Variants in ZFPM2 observed in about 807,000 individuals in gnomAD.
The protein encoded by ZFPM2 is zinc finger protein, FOG family member 2, also known as zinc finger protein ZFPM2.
Under a neutral mutation model 98.6 loss-of-function variants are expected in ZFPM2, and 20 were observed. That is an observed-to-expected ratio of 0.20 (90% CI 0.14 to 0.29). The LOEUF is 0.29. Ranked by LOEUF, ZFPM2 falls within the 10% of genes least tolerant of loss-of-function variation. The probability of loss-of-function intolerance (pLI) is 1.00; values close to 1 mark genes in which losing one functional copy is unlikely to be tolerated. For synonymous variants in ZFPM2, 518 were observed against 502.7 expected, an observed-to-expected ratio of 1.03 and a Z score of -0.41; for missense variants, 1,310 against 1,388.6, an observed-to-expected ratio of 0.94 and a Z score of 0.90.
At chr8:105,785,485 A>G (rs1813389883) in intron 5 of ZFPM2, among the ~76,000 whole-genome samples, 1 of 152,114 alleles carries the variant, frequency 6.6e-6, no homozygotes, top group African/African-American at 2.4e-5. Context: ...TGGGAAACTT[A>G]GTTATCCTCT....
chr8:105,590,801 G>T (rs1815826342), intron 4 of ZFPM2, among the ~76,000 whole-genome samples: 2 of 152,178 alleles, frequency 1.3e-5, no homozygotes, highest in African/African-American at 4.8e-5. Context: ...CAGTGGAAGT[G>T]TAGCTGACTT....
At chr8:105,380,891 T>TATATATA (rs773240703) in intron 1 of ZFPM2, among the ~76,000 whole-genome samples, 1 of 70,222 alleles carries the variant, frequency 1.4e-5, no homozygotes, top group Non-Finnish European at 2.7e-5. Flanking sequence ...TATATTATAA[T>TATATATA]ATATATAATA....
intron 5 of ZFPM2, chr8:105,679,174 C>T (rs555903029): frequency 2.0e-5 from 3 of 152,176 alleles, no homozygotes; most frequent in African/African-American, 2.4e-5. Flanking sequence ...TTAATTATTG[C>T]CATCATTTAA....
chr8:105,788,134 A>G (rs1563564649), intron 5 of ZFPM2, among the ~76,000 whole-genome samples: 1 of 152,200 alleles, frequency 6.6e-6, no homozygotes, highest in African/African-American at 2.4e-5. Flanking sequence ...AGTAAAGATT[A>G]TTCAGCCAGA....
At chr8:105,431,570 G>T (rs1371971828) in intron 2 of ZFPM2, among the ~76,000 whole-genome samples, 1 of 152,046 alleles carries the variant, frequency 6.6e-6, no homozygotes, top group African/African-American at 2.4e-5. Context: ...CACTCAAATG[G>T]TTCAGGGTGG....
At chr8:105,478,891 A>G (rs1219821893) in intron 3 of ZFPM2, among the ~76,000 whole-genome samples, 3 of 152,196 alleles carry the variant, frequency 2.0e-5, no homozygotes, top group Non-Finnish European at 4.4e-5. Flanking sequence ...GTGGAATGCT[A>G]CTAAAGTCTA....
intron 5 of ZFPM2, among the ~76,000 whole-genome samples, chr8:105,683,448 A>T (rs2130924986): frequency 6.6e-6 from 1 of 152,300 alleles, no homozygotes; most frequent in East Asian, 1.9e-4. Flanking sequence ...GATACAAAGT[A>T]GAGAAATTAC....
rs1814087878 is a variant in ZFPM2, at chr8:105,803,021, A to G, written c.2939A>G (p.Gln980Arg). The change falls in exon 8 of 8, where the codon CAG becomes CGG. Residue 980 changes from glutamine to arginine, a missense_variant. Transcript: ENST00000407775. ...GAIKKAKGAD[Q>R]LSPYYGIKPS... ...ATAAAGAAAGCAAAAGGAGCCGACC[A>G]GCTTTCTCCATATTATGGAATCAAG... The G allele has an allele frequency of 6.2e-7, 1 of 1,613,186 alleles. No individual in the cohort carries two copies.
At chr8:105,780,513 A>G (rs1813216408) in intron 5 of ZFPM2, 1 of 152,218 alleles carries the variant, frequency 6.6e-6, no homozygotes, top group Non-Finnish European at 1.5e-5. Context: ...TCGTTACATC[A>G]TTGTTTATCC....
intron 4 of ZFPM2, among the ~76,000 whole-genome samples, chr8:105,597,042 C>T (rs1380443627): frequency 6.6e-6 from 1 of 151,336 alleles, no homozygotes; most frequent in Non-Finnish European, 1.5e-5. Flanking sequence ...CCTGACACAC[C>T]TCCTAAATGT....
chr8:105,803,405 T>G lies in ZFPM2; in HGVS notation c.3323T>G (p.Val1108Gly). ...CAGTTGTCTAGTATAGCAAAAGGTG[T>G]GAATGGTTCCAGCCAGGCTCCAACC... ...EEQLSSIAKG[V>G]NGSSQAPTSG... The change falls in exon 8 of 8, where the codon GTG becomes GGG. Residue 1108 changes from valine to glycine, a missense_variant. Val to Gly is a moderately radical substitution (Grantham distance 109). Transcript: ENST00000407775. 1 of 1,613,832 alleles carries G rather than the reference T, an allele frequency of 6.2e-7. No individual in the cohort carries two copies. The highest frequency in any genetic ancestry group is 1.1e-5 in the South Asian group (1 of 91,070).
At chr8:105,404,893 A>C (rs1323393441) in intron 1 of ZFPM2, among the ~76,000 whole-genome samples, 1 of 152,098 alleles carries the variant, frequency 6.6e-6, no homozygotes, top group African/African-American at 2.4e-5. Context: ...AAATACAGAT[A>C]ATGATTTCCA....
intron 5 of ZFPM2, among the ~76,000 whole-genome samples, chr8:105,668,677 AACTTT>A (rs1162615518): frequency 6.6e-6 from 1 of 152,184 alleles, no homozygotes; most frequent in African/African-American, 2.4e-5. Flanking sequence ...CAAACCTGTT[AACTTT>A]ACTAAAGAAT....
intron 1 of ZFPM2, among the ~76,000 whole-genome samples, chr8:105,406,824 C>T (rs1362159839): frequency 6.6e-6 from 1 of 151,926 alleles, no homozygotes; most frequent in African/African-American, 2.4e-5. Context: ...GAGGATACGA[C>T]TAGGGATAAA....
chr8:105,498,827 G>A, intron 3 of ZFPM2, among the ~76,000 whole-genome samples: 1 of 152,154 alleles, frequency 6.6e-6, no homozygotes. Context: ...TGCATGCTGT[G>A]CAAATGCATT....
At chr8:105,710,382 G>A (rs1217225636) in intron 5 of ZFPM2, among the ~76,000 whole-genome samples, 1 of 151,974 alleles carries the variant, frequency 6.6e-6, no homozygotes, top group African/African-American at 2.4e-5. Flanking sequence ...TTGCCCATTG[G>A]CTCTTAATAA....
chr8:105,670,038 A>C (rs1817559554), intron 5 of ZFPM2: 1 of 152,250 alleles, frequency 6.6e-6, no homozygotes, highest in Admixed American at 6.5e-5. Context: ...TAACAAAGGC[A>C]AGAGTCAAAC....
At chr8:105,635,088 C>G (rs1816822088) in intron 5 of ZFPM2, among the ~76,000 whole-genome samples, 1 of 152,148 alleles carries the variant, frequency 6.6e-6, no homozygotes, top group African/African-American at 2.4e-5. Context: ...AAGTCTTGGT[C>G]CTAGCTCTGT....
At chr8:105,452,577 C>A (rs1029172482) in intron 3 of ZFPM2, among the ~76,000 whole-genome samples, 1 of 151,792 alleles carries the variant, frequency 6.6e-6, no homozygotes, top group Non-Finnish European at 1.5e-5. Context: ...GTGTAACCCT[C>A]ATTTCTACAA....
Sources: allele counts gnomAD v4.1 joint callset (sites outside exome capture counted in the v4.1 genomes callset), GRCh38; gene constraint gnomAD v4.1.1; transcripts MANE v1.5; gene names NCBI Gene and HGNC (gene_info 2026-07-23, HGNC 2026-07-21).